Variants in NRG1 observed in about 807,000 individuals in gnomAD.
NRG1 encodes the protein neuregulin 1, also known as pro-neuregulin-1, membrane-bound isoform.
A neutral mutation model predicts 63.8 loss-of-function variants in NRG1; 18 were observed. The ratio of observed to expected loss-of-function variants is 0.28; its 90% CI spans 0.19 to 0.42. The LOEUF (loss-of-function observed/expected upper bound fraction) is 0.42. Ranked by LOEUF, NRG1 falls within the 10% of genes least tolerant of loss-of-function variation. The pLI is 1.00. For synonymous variants in NRG1, 302 were observed against 301.3 expected (o/e 1.00, Z -0.02); for missense variants, 762 against 814.7 (o/e 0.94, Z 0.79).
At chr8:31,671,703 GA>G (rs1807161487) in intron 1 of NRG1, among the ~76,000 whole-genome samples, 1 of 152,158 alleles carries the variant, frequency 6.6e-6, no homozygotes, top group Non-Finnish European at 1.5e-5. Flanking sequence ...GTGGCATCAT[GA>G]AAGGAGCAAA....
At chr8:32,524,752 G>A (rs1830661658) in intron 1 of NRG1, among the ~76,000 whole-genome samples, 1 of 152,100 alleles carries the variant, frequency 6.6e-6, no homozygotes, top group Admixed American at 6.6e-5. Flanking sequence ...TACATCTAAT[G>A]AATCAGATGT....
intron 4 of NRG1, among the ~76,000 whole-genome samples, chr8:32,615,752 C>T (rs11780520): frequency 0.082 from 12,458 of 151,610 alleles, 666 homozygotes; most frequent in Middle Eastern, 0.14. Context: ...ATATTTAGGA[C>T]ATATTCATAT....
intron 1 of NRG1, among the ~76,000 whole-genome samples, chr8:31,799,099 T>C (rs1470242325): frequency 6.6e-6 from 1 of 152,150 alleles, no homozygotes; most frequent in Non-Finnish European, 1.5e-5. Context: ...TTGGCCCTGG[T>C]AGGGTTTATT....
At chr8:32,056,212 G>T (rs1475778214) in intron 1 of NRG1, among the ~76,000 whole-genome samples, 1 of 152,070 alleles carries the variant, frequency 6.6e-6, no homozygotes, top group East Asian at 1.9e-4. Context: ...CAAATTTTCG[G>T]AAAGTTGCGA....
At chr8:32,720,077 T>C (rs975190314) in intron 5 of NRG1, among the ~76,000 whole-genome samples, 1 of 152,154 alleles carries the variant, frequency 6.6e-6, no homozygotes, top group Non-Finnish European at 1.5e-5. Flanking sequence ...TCTTTTGACC[T>C]TTCAGCTACT....
chr8:32,369,888 T>G (rs1808582227), intron 1 of NRG1, among the ~76,000 whole-genome samples: 1 of 151,878 alleles, frequency 6.6e-6, no homozygotes, highest in South Asian at 2.1e-4. Flanking sequence ...GAGAAAGAAG[T>G]AAAGATGGTA....
intron 5 of NRG1, among the ~76,000 whole-genome samples, chr8:32,652,486 C>T (rs1855342689): frequency 6.6e-6 from 1 of 152,052 alleles, no homozygotes; most frequent in African/African-American, 2.4e-5. Flanking sequence ...GACTTCTTCT[C>T]CCCTTTCCTT....
intron 1 of NRG1, among the ~76,000 whole-genome samples, chr8:32,526,777 C>A (rs1002628194): frequency 2.6e-5 from 4 of 152,144 alleles, no homozygotes; most frequent in Admixed American, 1.3e-4. Context: ...CATTTTATTT[C>A]TTTGGATTTG....
rs557688650 is a variant in NRG1, at chr8:32,126,351, A to G, written c.38-469477A>G. Reference sequence around the variant, plus strand: ...TTAGGGGCTGGAAAGCAAATAGTATATAATGTCCAATTGCTCTTGTTTGGG... The same window carrying G: ...TTAGGGGCTGGAAAGCAAATAGTATGTAATGTCCAATTGCTCTTGTTTGGG... On this transcript the variant is annotated intron_variant, in intron 1 of 10. Transcript: ENST00000519301. Among the ~76,000 whole-genome samples the G allele has an allele frequency of 2.0e-5, 3 of 152,044 alleles. No homozygotes were observed. The South Asian group carries it at 6.2e-4, about 31-fold the overall frequency.
chr8:32,626,177 G>A (rs986679120), intron 5 of NRG1, among the ~76,000 whole-genome samples: 25 of 150,064 alleles, frequency 1.7e-4, no homozygotes, highest in Admixed American at 1.1e-3. Flanking sequence ...AAATGTGTAT[G>A]CATATTTCTT....
chr8:32,611,427 T>C (rs1004004139), intron 3 of NRG1, among the ~76,000 whole-genome samples: 4 of 152,098 alleles, frequency 2.6e-5, no homozygotes, highest in Admixed American at 2.6e-4. Context: ...GAAAAGCATG[T>C]AAAATATGTT....
chr8:32,175,558 G>A (rs1840623566), intron 1 of NRG1, among the ~76,000 whole-genome samples: 1 of 152,178 alleles, frequency 6.6e-6, no homozygotes, highest in Non-Finnish European at 1.5e-5. Context: ...GTTTGCAGAT[G>A]ACATGATTGT....
At chr8:32,386,209 C>T (rs1403750243) in intron 1 of NRG1, among the ~76,000 whole-genome samples, 2 of 152,188 alleles carry the variant, frequency 1.3e-5, no homozygotes, top group Non-Finnish European at 2.9e-5. Flanking sequence ...TCAAGCAATC[C>T]TCCTGCCTCA....
At chr8:32,389,611 C>T (rs7000545) in intron 1 of NRG1, among the ~76,000 whole-genome samples, 51,479 of 152,046 alleles carry the variant, frequency 0.34, 9,173 homozygotes, top group Middle Eastern at 0.43. Flanking sequence ...GCCATCCTCA[C>T]TGACCACCTG....
chr8:32,287,982 C>A (rs749681426), intron 1 of NRG1, among the ~76,000 whole-genome samples: 110 of 152,176 alleles, frequency 7.2e-4, no homozygotes, highest in Non-Finnish European at 1.3e-3. Flanking sequence ...TTTCAGTACA[C>A]ATTTTTGGTA....
chr8:32,632,243 T>A (rs1318728573), intron 5 of NRG1, among the ~76,000 whole-genome samples: 1 of 152,154 alleles, frequency 6.6e-6, no homozygotes, highest in African/African-American at 2.4e-5. Context: ...TTTTCTTCAC[T>A]AGACGTGCCT....
At chr8:32,020,297 T>C (rs890258868) in intron 1 of NRG1, among the ~76,000 whole-genome samples, 3 of 152,246 alleles carry the variant, frequency 2.0e-5, no homozygotes, top group African/African-American at 7.2e-5. Context: ...TAATTGTTAT[T>C]ATTATATGAA....
At chr8:32,130,327 G>A (rs1563820967) in intron 1 of NRG1, among the ~76,000 whole-genome samples, 1 of 151,926 alleles carries the variant, frequency 6.6e-6, no homozygotes, top group African/African-American at 2.4e-5. Context: ...CTAAAATGAA[G>A]CAGAGAATTT....
chr8:32,348,137 C>A (rs1805149028), intron 1 of NRG1, among the ~76,000 whole-genome samples: 1 of 152,160 alleles, frequency 6.6e-6, no homozygotes, highest in Non-Finnish European at 1.5e-5. Context: ...TCCTGCACAC[C>A]CACTTTCCTT....
Sources: gnomAD v4.1 joint callset for allele counts (sites outside exome capture counted in the v4.1 genomes callset) on GRCh38, gnomAD v4.1.1 for gene constraint, MANE v1.5 for transcripts, NCBI Gene and HGNC (gene_info 2026-07-23, HGNC 2026-07-21) for gene names.